Variants in C16orf96 observed in about 807,000 individuals in gnomAD.
C16orf96 encodes uncharacterized protein C16orf96.
C16orf96 carries 108 observed loss-of-function variants against 103.6 expected under a neutral mutation model. That is an observed-to-expected ratio of 1.04 (90% CI 0.89 to 1.22). The LOEUF is 1.22. Among genes scored for constraint, C16orf96 ranks in the 50% most tolerant of loss-of-function variants. The probability of loss-of-function intolerance (pLI) is 0.00; values close to 1 mark genes in which losing one functional copy is unlikely to be tolerated. For missense variants in C16orf96, 1,586 were observed against 1,464.2 expected (o/e 1.08, Z -1.36); for synonymous variants, 566 against 593.5 (o/e 0.95, Z 0.67).
Position 4,575,283 on chromosome 16 carries a change from C to A in C16orf96, c.803C>A (p.Ser268Tyr), listed in dbSNP as rs2059489044. The A allele has an allele frequency of 1.3e-6, 2 of 1,550,700 alleles. No individual in the cohort carries two copies. The highest frequency in any genetic ancestry group is 3.9e-5 in the Admixed American group (2 of 50,990). The change falls in exon 5 of 16, where the codon TCC (serine) becomes TAC (tyrosine). Residue 268 changes from serine (S) to tyrosine (Y), a missense_variant. Coordinates refer to ENST00000444310, the MANE Select transcript of C16orf96 (RefSeq NM_001145011.2). Reference protein sequence around the residue: ...YLEATRAIQVSEPVQNPQLLQ... With the variant: ...YLEATRAIQVYEPVQNPQLLQ... ...GAAGCTACTCGTGCCATCCAGGTCT[C>A]CGAGCCCGTCCAAAACCCCCAGCTA...
chr16:4,575,107 G>A, intron 4 of C16orf96, 49 bp downstream of exon 4: 3 of 1,549,590 alleles, frequency 1.9e-6, no homozygotes, highest in Non-Finnish European at 2.6e-6. Context: ...GGAGCAGGCG[G>A]GTGGCTGACT....
rs1371692442 is a variant in C16orf96 at position 4,556,670 on chromosome 16, A to G, written c.181A>G (p.Met61Val). The G allele has an allele frequency of 1.3e-6, 2 of 1,551,474 alleles. No homozygotes were observed. The highest frequency in any genetic ancestry group is 2.4e-5 in the East Asian group (1 of 40,920). ...CCTGCAGACCTCGCAGGTGGTCATC[A>G]TGCCCAGGGAAGGAGACGCCCAGCC... ...DFLQTSQVVI[M>V]PREGDAQPIL... The change falls in exon 1 of 16, where the codon ATG (methionine) becomes GTG (valine). Residue 61 changes from methionine (M) to valine (V), a missense_variant. Met to Val is a conservative substitution (Grantham distance 21, BLOSUM62 1). Coordinates refer to ENST00000444310, the MANE Select transcript of C16orf96 (RefSeq NM_001145011.2).
the C16orf96 span, among the ~76,000 whole-genome samples, chr16:4,546,437 C>T: frequency 0.047 from 6,618 of 141,102 alleles, 223 homozygotes; most frequent in Non-Finnish European, 0.068. Context: ...CGATTACAGG[C>T]GGGAGCCACC....
rs777999741 is a variant in C16orf96 at position 4,575,702 on chromosome 16, TG to T, written c.1225del (p.Asp409ThrfsTer2). On this transcript the variant is annotated frameshift_variant, in exon 5 of 16. Transcript: ENST00000444310. LOFTEE classifies it high-confidence loss of function. ...GWPRVGSWPL[W>X]DLGVLRPTQP... ...GCCCAGGGTGGGCTCTTGGCCTCTG[TG>T]GGACTTAGGTGTCCTGCGGCCAACT... is the stretch of plus-strand genomic sequence containing the variant. 3.3e-6 allele frequency: 5 copies of T among 1,534,444 alleles called. No homozygotes were observed. The highest frequency in any genetic ancestry group is 1.2e-5 in the South Asian group (1 of 81,442).
rs965302590 is a variant in C16orf96, at chr16:4,576,145, G to A, written c.1665G>A (p.Lys555=). Residue 555 remains lysine (K), a synonymous_variant, in exon 5 of 16, where the codon AAG becomes AAA. Coordinates refer to ENST00000444310, the MANE Select transcript of C16orf96 (RefSeq NM_001145011.2). ...KDGAPKEAQP[K]APQSALHRLK... Reference sequence around the variant, plus strand: ...GGGCCCCCAAGGAAGCACAGCCTAAGGCTCCCCAGTCTGCCCTTCACCGGC... The same window carrying A: ...GGGCCCCCAAGGAAGCACAGCCTAAAGCTCCCCAGTCTGCCCTTCACCGGC... The A allele has an allele frequency of 1.2e-5, 19 of 1,551,314 alleles. No individual in the cohort carries two copies. In the Admixed American group the frequency reaches 3.7e-4, roughly 30 times the overall value.
chr16:4,572,511 C>G (rs2059451196), intron 2 of C16orf96, among the ~76,000 whole-genome samples: 1 of 151,786 alleles, frequency 6.6e-6, no homozygotes, highest in African/African-American at 2.4e-5. Context: ...CCATGTTAGC[C>G]AGGATGGTCT....
the C16orf96 span, among the ~76,000 whole-genome samples, chr16:4,550,923 G>A: frequency 6.2e-4 from 95 of 152,336 alleles, no homozygotes; most frequent in Non-Finnish European, 4.1e-4. Context: ...TGGAATCCAC[G>A]TTGTTGGCCT....
chr16:4,550,077 C>T, the C16orf96 span, among the ~76,000 whole-genome samples: 1 of 136,804 alleles, frequency 7.3e-6, no homozygotes, highest in Non-Finnish European at 1.6e-5. Flanking sequence ...TTAGAGCACA[C>T]AGTGGGTAAT....
chr16:4,575,058 A>C lies in C16orf96; in HGVS notation c.693A>C (p.Ser231=). 1 of 1,551,460 alleles carries C rather than the reference A, an allele frequency of 6.4e-7. No homozygotes were observed. Among genetic ancestry groups the C allele is most frequent in the Non-Finnish European group, 8.7e-7 (1 of 1,146,994 alleles). ...GCCTTCATGATGCCATGTTCACCTCAGTGAGTGAGGAAGGAAGGGGAGGTT... is the reference window on the plus strand; with the variant it reads ...GCCTTCATGATGCCATGTTCACCTCCGTGAGTGAGGAAGGAAGGGGAGGTT... The part of the protein sequence containing the change: ...WSGLHDAMFT[S]EIGSSPLDLW... Residue 231 remains serine (S), a splice_region_variant and synonymous_variant, in exon 4 of 16, where the codon TCA becomes TCC. Transcript: ENST00000444310.
chr16:4,580,561 T>G (rs972864809), intron 7 of C16orf96, among the ~76,000 whole-genome samples: 4 of 152,014 alleles, frequency 2.6e-5, no homozygotes, highest in African/African-American at 9.7e-5. Context: ...AAAAGAAATA[T>G]TTAGGCTGGG....
chr16:4,555,386 T>A (rs1165603249), upstream of C16orf96, among the ~76,000 whole-genome samples: 1 of 151,826 alleles, frequency 6.6e-6, no homozygotes. Context: ...CTTTTTTTTT[T>A]CTTTTGAGAC....
the C16orf96 span, among the ~76,000 whole-genome samples, chr16:4,544,288 C>T: frequency 6.6e-6 from 1 of 152,142 alleles, no homozygotes; most frequent in Non-Finnish European, 1.5e-5. Flanking sequence ...TAGGACACAC[C>T]ACTTCACGGC....
chr16:4,564,704 G>T (rs1023130871), intron 1 of C16orf96, among the ~76,000 whole-genome samples: 1 of 152,134 alleles, frequency 6.6e-6, no homozygotes, highest in Non-Finnish European at 1.5e-5. Context: ...CCAGCCACTC[G>T]AGAGGCTGAG....
At chr16:4,590,074 C>T (rs973767816) in intron 9 of C16orf96, among the ~76,000 whole-genome samples, 2 of 151,690 alleles carry the variant, frequency 1.3e-5, no homozygotes, top group Non-Finnish European at 2.9e-5. Context: ...TGTAGTAAGC[C>T]GAGATAGCGC....
rs148700678 is a variant in C16orf96 at position 4,576,168 on chromosome 16, G to A, written c.1688G>A (p.Arg563Gln). ...QPKAPQSALH[R>Q]LKTTAAIAAA... ...AAGGCTCCCCAGTCTGCCCTTCACC[G>A]GCTGAAAACCACCGCTGCCATCGCC... The change falls in exon 5 of 16, where the codon CGG becomes CAG. Residue 563 changes from arginine to glutamine, a missense_variant. Transcript: ENST00000444310. 2.2e-3 allele frequency: 3,458 copies of A among 1,551,026 alleles called. 10 individuals carry two copies. The highest frequency in any genetic ancestry group is 2.6e-3 in the Non-Finnish European group (2,925 of 1,146,984).
At position 4,579,201 on chromosome 16, in the gene C16orf96, C is replaced by T. The variant is rs898132913; in HGVS notation, c.2241+176C>T. Among the ~76,000 whole-genome samples, 10 of 18,950 alleles carry T rather than the reference C, an allele frequency of 5.3e-4. No homozygotes were observed. In the East Asian group the frequency reaches 7.4e-3, roughly 14 times the overall value. 12.4% of individuals were successfully genotyped at this position (18,950 alleles called of 152,430 possible). On this transcript the variant is annotated intron_variant, in intron 6 of 15. Coordinates refer to ENST00000444310, the MANE Select transcript of C16orf96 (RefSeq NM_001145011.2). ...GCCTCTCAAAGCTGATTCACTGGTG[C>T]GGTGGGGGGGCCCAGCAGGTGTGGG...
chr16:4,547,895 T>G, the C16orf96 span, among the ~76,000 whole-genome samples: 3 of 149,698 alleles, frequency 2.0e-5, no homozygotes, highest in African/African-American at 7.4e-5. Flanking sequence ...CTTCCTCAGC[T>G]TCCTGGGTAG....
rs1281612234 is a variant in C16orf96, at chr16:4,576,356, G to C, written c.1876G>C (p.Ala626Pro). The change falls in exon 5 of 16, where the codon GCA becomes CCA. Residue 626 changes from alanine (A) to proline (P), a missense_variant. Transcript: ENST00000444310. ...AGGGGTCTTTGCAGATGTCCTGGGT[G>C]CAGGGCCTTCCCGGGGAGCCACAGA... is the stretch of plus-strand genomic sequence containing the variant. Reference protein sequence around the residue: ...PLGVFADVLGAGPSRGATESQ... With the variant: ...PLGVFADVLGPGPSRGATESQ... The C allele has an allele frequency of 6.4e-7, 1 of 1,550,892 alleles. No individual in the cohort carries two copies. Among genetic ancestry groups the C allele is most frequent in the Admixed American group, 2.0e-5 (1 of 51,010 alleles).
At chr16:4,591,226 CGATT>C (rs1418565227) in intron 9 of C16orf96, among the ~76,000 whole-genome samples, 3 of 152,100 alleles carry the variant, frequency 2.0e-5, no homozygotes, top group Non-Finnish European at 2.9e-5. Flanking sequence ...TAAATAAATA[CGATT>C]GATTATGATG....
Sources: gnomAD v4.1 joint callset for allele counts (sites outside exome capture counted in the v4.1 genomes callset) on GRCh38, gnomAD v4.1.1 for gene constraint, MANE v1.5 for transcripts, NCBI Gene and HGNC (gene_info 2026-07-23, HGNC 2026-07-21) for gene names.